The following MOV10L1 variants were observed in gnomAD, a reference collection of about 807,000 sequenced individuals.
MOV10L1 encodes Mov10 like RNA helicase 1.
Under a neutral mutation model 143.8 loss-of-function variants are expected in MOV10L1, and 110 were observed. The ratio of observed to expected loss-of-function variants is 0.76; its 90% confidence interval spans 0.66 to 0.90. The LOEUF (loss-of-function observed/expected upper bound fraction) is 0.90. Among genes scored for constraint, MOV10L1 ranks in the 40% least tolerant of loss-of-function variants. The pLI, the probability that MOV10L1 is intolerant of heterozygous loss-of-function variation, is 0.00. For synonymous variants in MOV10L1, 593 were observed against 581.1 expected, an observed-to-expected ratio of 1.02 and a Z score of -0.29; for missense variants, 1,406 against 1,526.8, an observed-to-expected ratio of 0.92 and a Z score of 1.32.
chr22:50,132,741 A>T (rs1470998757), intron 13 of MOV10L1, among the ~76,000 whole-genome samples: 1 of 152,346 alleles, frequency 6.6e-6, no homozygotes. Context: ...GATTCAAAGA[A>T]TGACAGTTTT....
intron 10 of MOV10L1, among the ~76,000 whole-genome samples, chr22:50,121,622 A>T (rs937611846): frequency 6.6e-6 from 1 of 152,238 alleles, no homozygotes; most frequent in Non-Finnish European, 1.5e-5. Flanking sequence ...TCGCGAGCGC[A>T]GTCCTCTGTC....
At chr22:50,113,821 C>G in intron 6 of MOV10L1, 33 bp downstream of exon 6, 2 of 1,542,886 alleles carry the variant, frequency 1.3e-6, no homozygotes, top group African/African-American at 1.4e-5. Context: ...TTCTATAAAG[C>G]TACATTAATG....
At chr22:50,090,645 A>C in intron 1 of MOV10L1, 1 of 1,148,306 alleles carries the variant, frequency 8.7e-7, no homozygotes, top group Non-Finnish European at 1.3e-6. Flanking sequence ...ATGCGCCCGG[A>C]TGCCCTCACC....
intron 17 of MOV10L1, among the ~76,000 whole-genome samples, chr22:50,143,711 C>G (rs1569033508): frequency 6.6e-6 from 1 of 152,158 alleles, no homozygotes; most frequent in Non-Finnish European, 1.5e-5. Context: ...TTCACACCAT[C>G]ATAAAGTCAA....
chr22:50,119,119 CAGAA>C (rs1356919848), intron 9 of MOV10L1, among the ~76,000 whole-genome samples: 2 of 152,136 alleles, frequency 1.3e-5, no homozygotes, highest in African/African-American at 4.8e-5. Flanking sequence ...TTTGGCTTAA[CAGAA>C]AGAGTGAAAT....
In MOV10L1 at chr22:50,099,515, G is replaced by A. The variant is rs1181212635; in HGVS notation, c.355G>A (p.Val119Met). The A allele has an allele frequency of 4.3e-6, 7 of 1,614,208 alleles. No individual in the cohort carries two copies. The highest frequency in any genetic ancestry group is 1.1e-5 in the South Asian group (1 of 91,086). ...HGSPSDCGPR[V>M]LIGCVTSLVE... ...GAGTCCCTCAGACTGCGGCCCCCGA[G>A]TGTTGATTGGCTGTGTGACTTCCCT... The change falls in exon 3 of 27, where the codon GTG becomes ATG. Residue 119 changes from valine to methionine, a missense_variant. Val to Met is a conservative substitution (Grantham distance 21). Coordinates refer to ENST00000262794, the MANE Select transcript of MOV10L1 (RefSeq NM_018995.3).
In MOV10L1 at chr22:50,092,154, A is replaced by G; in HGVS notation, c.251A>G (p.Asn84Ser). Residue 84 changes from asparagine (N) to serine (S), a missense_variant, in exon 2 of 27, where the codon AAT (asparagine) becomes AGT (serine). Asn to Ser is a conservative substitution (Grantham distance 46, BLOSUM62 1). Transcript: ENST00000262794. Reference protein sequence around the residue: ...GQEVIAVVEENKVSNGLKAIR... With the variant: ...GQEVIAVVEESKVSNGLKAIR... Reference sequence around the variant, plus strand: ...GAAGTGATTGCAGTTGTGGAAGAAAATAAAGTGTCCAATGGACTGAAAGCA... The same window carrying G: ...GAAGTGATTGCAGTTGTGGAAGAAAGTAAAGTGTCCAATGGACTGAAAGCA... The G allele has an allele frequency of 6.2e-7, 1 of 1,614,190 alleles. No homozygotes were observed. The highest frequency in any genetic ancestry group is 8.5e-7 in the Non-Finnish European group (1 of 1,180,022).
chr22:50,154,055 G>A (rs1262198560), intron 22 of MOV10L1, among the ~76,000 whole-genome samples: 1 of 152,222 alleles, frequency 6.6e-6, no homozygotes, highest in Non-Finnish European at 1.5e-5. Flanking sequence ...AAATCTGTCT[G>A]TGATCTGTCC....
At chr22:50,110,663 G>A (rs978571430) in intron 5 of MOV10L1, among the ~76,000 whole-genome samples, 11 of 152,162 alleles carry the variant, frequency 7.2e-5, no homozygotes, top group African/African-American at 2.4e-4. Context: ...GGCCACAGTG[G>A]CTCACGCCTG....
chr22:50,112,757 G>C (rs545422886), intron 5 of MOV10L1, among the ~76,000 whole-genome samples: 1 of 152,220 alleles, frequency 6.6e-6, no homozygotes. Context: ...CAGCCTTCCC[G>C]TGGCAAGAGC....
Position 50,099,576 on chromosome 22 carries a change from A to G in MOV10L1, c.416A>G (p.Tyr139Cys), listed in dbSNP as rs1367086660. 2 of 1,613,586 alleles carry G rather than the reference A, an allele frequency of 1.2e-6. No individual in the cohort carries two copies. Among genetic ancestry groups the G allele is most frequent in the Non-Finnish European group, 1.7e-6 (2 of 1,179,684 alleles). Reference sequence around the variant, plus strand: ...GCAGGCTGTATCAGTCAGACCACCTACTTCTCTCTGGAGAGTGTGTGCGAA... The same window carrying G: ...GCAGGCTGTATCAGTCAGACCACCTGCTTCTCTCTGGAGAGTGTGTGCGAA... ...EGAGCISQTT[Y>C]FSLESVCEGF... Residue 139 changes from tyrosine to cysteine, a missense_variant, in exon 3 of 27, where the codon TAC becomes TGC. Coordinates refer to ENST00000262794, the MANE Select transcript of MOV10L1 (RefSeq NM_018995.3).
At position 50,090,040 on chromosome 22, in the gene MOV10L1, T is replaced by G; in HGVS notation, c.-49T>G. ...GGGCGGCGGGAGCGGCGCGGGCGCG[T>G]GCGGGCGGCGGCAGCGGCGGTGACG... On this transcript the variant is annotated 5_prime_UTR_variant, in exon 1 of 27. Transcript: ENST00000262794. 9.5e-7 allele frequency: 1 copy of G among 1,057,120 alleles called. No individual in the cohort carries two copies. Among genetic ancestry groups the G allele is most frequent in the Non-Finnish European group, 1.2e-6 (1 of 845,100 alleles). 65.5% of individuals were successfully genotyped at this position (1,057,120 alleles called of 1,614,324 possible). A position where few individuals can be genotyped will look rare whatever the true frequency, so the allele number is the denominator to read the frequency against.
chr22:50,114,498 T>G lies in MOV10L1; in HGVS notation c.1002T>G (p.Phe334Leu), dbSNP rs772453199. 8.7e-6 allele frequency: 14 copies of G among 1,614,216 alleles called. No individual in the cohort carries two copies. Among genetic ancestry groups the G allele is most frequent in the Non-Finnish European group, 1.2e-5 (14 of 1,180,038 alleles). ...DKDQMCPVVSFVSVPEKENSS... is the reference protein window; with the variant it reads ...DKDQMCPVVSLVSVPEKENSS... ...ACCAGATGTGCCCCGTGGTATCTTT[T>G]GTTTCTGTTCCTGAGAAGGAGAATT... is the stretch of plus-strand genomic sequence containing the variant. The change falls in exon 7 of 27, where the codon TTT becomes TTG. Residue 334 changes from phenylalanine to leucine, a missense_variant. By Grantham distance (22) the Phe-to-Leu change is conservative. Coordinates refer to ENST00000262794, the MANE Select transcript of MOV10L1 (RefSeq NM_018995.3).
At chr22:50,114,014 G>T (rs1487447334) in intron 6 of MOV10L1, among the ~76,000 whole-genome samples, 1 of 150,304 alleles carries the variant, frequency 6.7e-6, no homozygotes, top group African/African-American at 2.5e-5. Flanking sequence ...CGCCTCCCGG[G>T]TTCACACCAT....
chr22:50,161,136 C>A, intron 26 of MOV10L1, 81 bp downstream of exon 26: 1 of 1,401,742 alleles, frequency 7.1e-7, no homozygotes. Flanking sequence ...TCCCCTCACC[C>A]CCATCCACTT....
chr22:50,097,677 C>G (rs1465274177), intron 2 of MOV10L1, among the ~76,000 whole-genome samples: 2 of 152,154 alleles, frequency 1.3e-5, no homozygotes, highest in African/African-American at 4.8e-5. Flanking sequence ...GTTTTGAAAT[C>G]AGGAGGTATG....
At chr22:50,119,234 T>C (rs1179681116) in intron 9 of MOV10L1, among the ~76,000 whole-genome samples, 1 of 152,160 alleles carries the variant, frequency 6.6e-6, no homozygotes, top group Non-Finnish European at 1.5e-5. Context: ...AGGACATCAG[T>C]TTCCTGCCAC....
At chr22:50,133,873 T>C (rs2062747224) in intron 13 of MOV10L1, 134 bp from the exon 14 acceptor site, 2 of 764,722 alleles carry the variant, frequency 2.6e-6, no homozygotes, top group Non-Finnish European at 4.2e-6. Flanking sequence ...CTCTATTTCA[T>C]TGATTGTTGG....
At chr22:50,160,921 C>T (rs376354847) in intron 25 of MOV10L1, 43 bp from the exon 26 acceptor site, 2 of 1,613,150 alleles carry the variant, frequency 1.2e-6, no homozygotes, top group East Asian at 2.2e-5. Context: ...AGACATGGGG[C>T]CTTCACTTGC....
Sources: gnomAD v4.1 joint callset for allele counts (sites outside exome capture counted in the v4.1 genomes callset) on GRCh38, gnomAD v4.1.1 for gene constraint, MANE v1.5 for transcripts, NCBI Gene and HGNC (gene_info 2026-07-23, HGNC 2026-07-21) for gene names.